Variants in AFF2 observed in about 807,000 individuals in gnomAD.
AFF2 encodes the protein ALF transcription elongation factor 2, also known as AF4/FMR2 family member 2.
AFF2 carries 14 observed loss-of-function variants against 76.9 expected under a neutral mutation model. That is an observed-to-expected ratio of 0.18 (90% CI 0.12 to 0.28). AFF2 has a LOEUF of 0.28. Among genes scored for constraint, AFF2 ranks in the 10% least tolerant of loss-of-function variants. The probability of loss-of-function intolerance (pLI) is 1.00; values close to 1 mark genes in which losing one functional copy is unlikely to be tolerated. For synonymous variants in AFF2, 398 were observed against 366.7 expected (o/e 1.09, Z -0.98); for missense variants, 868 against 1,001.1 (o/e 0.87, Z 1.79).
intron 1 of AFF2, among the ~76,000 whole-genome samples, chrX:148,511,315 G>C (rs781936438): frequency 9.0e-6 from 1 of 111,502 alleles, no homozygotes; most frequent in East Asian, 2.8e-4. Flanking sequence ...TAGTACAAAG[G>C]GGGGATAACA....
At chrX:148,568,182 T>C (rs1389457664) in intron 1 of AFF2, among the ~76,000 whole-genome samples, 1 of 111,657 alleles carries the variant, frequency 9.0e-6, no homozygotes, top group African/African-American at 3.3e-5. Context: ...AAAGCTTTAA[T>C]ATCAGATGTC....
At chrX:148,668,466 TG>T (rs1293063749) in intron 3 of AFF2, among the ~76,000 whole-genome samples, 1 of 112,549 alleles carries the variant, frequency 8.9e-6, no homozygotes, top group Non-Finnish European at 1.9e-5. Flanking sequence ...AGGTTCTCCA[TG>T]GGGGCCCCGC....
chrX:148,631,278 A>T (rs2053978008), intron 1 of AFF2, among the ~76,000 whole-genome samples: 2 of 112,097 alleles, frequency 1.8e-5, no homozygotes, highest in African/African-American at 6.5e-5. Flanking sequence ...AACGATTTAC[A>T]ATTACATCTA....
intron 9 of AFF2, among the ~76,000 whole-genome samples, chrX:148,917,632 T>C (rs1426246226): frequency 8.9e-6 from 1 of 112,140 alleles, no homozygotes; most frequent in Non-Finnish European, 1.9e-5. Context: ...GCTTTTCCCA[T>C]TGGCCAGTAG....
chrX:148,500,658 CGCCGCCGCCGCCGCCGCCGCCGCCGCT>C lies in AFF2; in HGVS notation c.-433_-407del, dbSNP rs1190501824. 1.1e-5 allele frequency: 1 copy of C among 94,754 alleles called. No homozygotes were observed. The highest frequency in any genetic ancestry group is 3.8e-5 in the African/African-American group (1 of 26,493). 7.8% of individuals were successfully genotyped at this position (94,754 alleles called of 1,213,427 possible). ...CCGCTGCCGCCGCCGCCGCCGCCGC[CGCCGCCGCCGCCGCCGCCGCCGCCGCT>C]GCCGCCCCGGCTGCCGCGCCGCGCC... On this transcript the variant is annotated 5_prime_UTR_variant, in exon 1 of 21. Transcript: ENST00000370460.
chrX:148,893,181 G>A (rs1444989686), intron 8 of AFF2, among the ~76,000 whole-genome samples: 1 of 112,054 alleles, frequency 8.9e-6, no homozygotes, highest in Non-Finnish European at 1.9e-5. Context: ...TTAAAGACAG[G>A]AGAGTAAATA....
intron 3 of AFF2, among the ~76,000 whole-genome samples, chrX:148,787,708 A>G (rs1557269641): frequency 3.6e-5 from 4 of 112,319 alleles, no homozygotes; most frequent in Non-Finnish European, 7.5e-5. Context: ...TACTTGGTTG[A>G]CATAGATGGG....
chrX:148,912,992 A>C (rs1557282146), intron 9 of AFF2, among the ~76,000 whole-genome samples: 1 of 113,268 alleles, frequency 8.8e-6, no homozygotes, highest in Non-Finnish European at 1.9e-5. Context: ...ATTAATGGAG[A>C]GATACCAATA....
intron 4 of AFF2, among the ~76,000 whole-genome samples, chrX:148,831,908 T>TAC (rs782276726): frequency 2.1e-4 from 23 of 111,966 alleles, no homozygotes; most frequent in Non-Finnish European, 3.6e-4. Context: ...ACCTCCTCTA[T>TAC]ACACACACAC....
At chrX:148,708,222 G>A (rs1004496411) in intron 3 of AFF2, among the ~76,000 whole-genome samples, 8 of 111,653 alleles carry the variant, frequency 7.2e-5, no homozygotes, top group African/African-American at 2.6e-4. Context: ...ACATATTAGA[G>A]TCTGAACTGT....
chrX:148,825,590 G>GT (rs3067275), intron 4 of AFF2, among the ~76,000 whole-genome samples: 2,803 of 99,677 alleles, frequency 0.028, 86 homozygotes, highest in African/African-American at 0.078. Context: ...TAATAGAGTA[G>GT]TTTTTTTTTT....
chrX:148,517,230 CAGAGATTGTGG>C (rs2052545730), intron 1 of AFF2, among the ~76,000 whole-genome samples: 1 of 111,732 alleles, frequency 8.9e-6, no homozygotes, highest in Non-Finnish European at 1.9e-5. Flanking sequence ...CTTCTGGTGG[CAGAGATTGTGG>C]CACTTTAAGA....
chrX:148,802,986 C>A (rs1190513236), intron 3 of AFF2, among the ~76,000 whole-genome samples: 2 of 111,504 alleles, frequency 1.8e-5, no homozygotes, highest in Non-Finnish European at 3.8e-5. Flanking sequence ...TATGCACCTG[C>A]ACACAAGACA....
At chrX:148,771,595 G>C (rs899016427) in intron 3 of AFF2, among the ~76,000 whole-genome samples, 3 of 112,218 alleles carry the variant, frequency 2.7e-5, no homozygotes, top group Non-Finnish European at 5.6e-5. Flanking sequence ...TCTCTGTTGT[G>C]ATTGGCAGTA....
intron 3 of AFF2, among the ~76,000 whole-genome samples, chrX:148,805,248 A>G (rs2070113924): frequency 9.0e-6 from 1 of 111,440 alleles, no homozygotes; most frequent in African/African-American, 3.3e-5. Context: ...TTTGCAATTA[A>G]ACTTTTGATT....
chrX:148,536,350 C>A (rs2052786290), intron 1 of AFF2, among the ~76,000 whole-genome samples: 1 of 111,680 alleles, frequency 9.0e-6, no homozygotes, highest in Admixed American at 9.5e-5. Context: ...GATTGGGAAG[C>A]CTGGAGGGCT....
chrX:148,723,880 T>C (rs190873753), intron 3 of AFF2, among the ~76,000 whole-genome samples: 1 of 110,761 alleles, frequency 9.0e-6, no homozygotes, highest in East Asian at 2.9e-4. Flanking sequence ...AAAATTGTAT[T>C]CAGGTTTGAA....
chrX:148,751,993 C>T (rs1322037051), intron 3 of AFF2, among the ~76,000 whole-genome samples: 2 of 111,521 alleles, frequency 1.8e-5, no homozygotes, highest in Admixed American at 9.5e-5. Context: ...TTGCGGCAAT[C>T]CTCATGTGGC....
At chrX:148,684,050 C>T (rs1199997102) in intron 3 of AFF2, among the ~76,000 whole-genome samples, 2 of 111,676 alleles carry the variant, frequency 1.8e-5, no homozygotes, top group Admixed American at 9.5e-5. Flanking sequence ...CCTGTGCAAA[C>T]ATTTTAAATG....
Sources: allele counts gnomAD v4.1 joint callset (sites outside exome capture counted in the v4.1 genomes callset), GRCh38; gene constraint gnomAD v4.1.1; transcripts MANE v1.5; gene names NCBI Gene and HGNC (gene_info 2026-07-23, HGNC 2026-07-21).